The following CCDC88C variants were observed in gnomAD, a reference collection of about 807,000 sequenced individuals.
CCDC88C encodes the protein coiled-coil and HOOK domain protein 88C.
In CCDC88C, 131 loss-of-function variants were observed where a neutral mutation model predicts 198.8. The ratio of observed to expected loss-of-function variants is 0.66; its 90% CI spans 0.57 to 0.76. The LOEUF (loss-of-function observed/expected upper bound fraction) is 0.76. Ranked by LOEUF, CCDC88C falls within the 30% of genes least tolerant of loss-of-function variation. The pLI is 0.00. For synonymous variants in CCDC88C, 1,166 were observed against 1,114.7 expected (o/e 1.05, Z -0.92); for missense variants, 2,553 against 2,631.6 (o/e 0.97, Z 0.65).
intron 3 of CCDC88C, among the ~76,000 whole-genome samples, chr14:91,391,279 G>C (rs1483330719): frequency 6.6e-6 from 1 of 151,822 alleles, no homozygotes; most frequent in Admixed American, 6.6e-5. Context: ...CCCACTGGGT[G>C]CCCGTTTTTA....
intron 3 of CCDC88C, among the ~76,000 whole-genome samples, chr14:91,373,806 G>T (rs957512757): frequency 6.6e-6 from 1 of 152,172 alleles, no homozygotes; most frequent in Non-Finnish European, 1.5e-5. Flanking sequence ...AAGTTGGGGG[G>T]TGGGCAGGGG....
chr14:91,293,596 T>TCACCTTCCTGCCCCCTCGCCTGCCAC (rs1567056076), intron 23 of CCDC88C, among the ~76,000 whole-genome samples: 3 of 19,854 alleles, frequency 1.5e-4, no homozygotes, highest in African/African-American at 5.8e-4. Context: ...TCGCCTGCCA[T>TCACCTTCCTGCCCCCTCGCCTGCCAC]GGCCCACCTC....
chr14:91,342,812 TG>T (rs1186356696), intron 5 of CCDC88C, among the ~76,000 whole-genome samples: 4 of 152,214 alleles, frequency 2.6e-5, no homozygotes, highest in African/African-American at 9.6e-5. Flanking sequence ...TAGGCCAGGG[TG>T]GGGCAAACTT....
At chr14:91,307,595 T>C (rs1446292655) in intron 17 of CCDC88C, among the ~76,000 whole-genome samples, 2 of 152,348 alleles carry the variant, frequency 1.3e-5, no homozygotes, top group East Asian at 1.9e-4. Context: ...CTGCTGGCAC[T>C]GGAGCAGCTT....
chr14:91,367,602 G>A (rs1894601270), intron 3 of CCDC88C, among the ~76,000 whole-genome samples: 1 of 152,134 alleles, frequency 6.6e-6, no homozygotes, highest in Non-Finnish European at 1.5e-5. Context: ...CTGGGAGGGA[G>A]GTAGACAGTG....
intron 3 of CCDC88C, among the ~76,000 whole-genome samples, chr14:91,390,015 T>C (rs1190330092): frequency 1.3e-5 from 2 of 150,250 alleles, no homozygotes; most frequent in East Asian, 1.9e-4. Flanking sequence ...GAGCTTGCAG[T>C]GAGCCGAGAT....
chr14:91,362,284 CA>C (rs980779547), intron 3 of CCDC88C, among the ~76,000 whole-genome samples: 3 of 151,816 alleles, frequency 2.0e-5, no homozygotes, highest in African/African-American at 7.3e-5. Context: ...CCAGTCAACC[CA>C]AAAAACAAAG....
At chr14:91,412,404 A>AT in intron 2 of CCDC88C, among the ~76,000 whole-genome samples, 1 of 151,498 alleles carries the variant, frequency 6.6e-6, no homozygotes, top group East Asian at 1.9e-4. Context: ...ATATATTCCT[A>AT]TTCTCCTAAG....
chr14:91,401,150 G>A (rs1411157840), intron 3 of CCDC88C, among the ~76,000 whole-genome samples: 2 of 146,874 alleles, frequency 1.4e-5, no homozygotes, highest in African/African-American at 4.9e-5. Flanking sequence ...GTACCAAAAT[G>A]CTGGCAGTGG....
chr14:91,413,856 C>T (rs953313971), intron 2 of CCDC88C, among the ~76,000 whole-genome samples: 1 of 152,230 alleles, frequency 6.6e-6, no homozygotes, highest in African/African-American at 2.4e-5. Context: ...TACTGCTCAA[C>T]GCGATTTCTT....
intron 4 of CCDC88C, among the ~76,000 whole-genome samples, chr14:91,358,376 G>C (rs1279702756): frequency 6.6e-6 from 1 of 152,210 alleles, no homozygotes; most frequent in African/African-American, 2.4e-5. Flanking sequence ...TCCTACAGGT[G>C]TGGCTTTTCC....
At chr14:91,400,641 C>T (rs1210791086) in intron 3 of CCDC88C, among the ~76,000 whole-genome samples, 1 of 152,224 alleles carries the variant, frequency 6.6e-6, no homozygotes, top group Non-Finnish European at 1.5e-5. Flanking sequence ...ACGAAGTCCA[C>T]CCAGACATTG....
intron 10 of CCDC88C, among the ~76,000 whole-genome samples, chr14:91,335,356 C>A (rs1188847833): frequency 6.6e-6 from 1 of 152,148 alleles, no homozygotes; most frequent in African/African-American, 2.4e-5. Flanking sequence ...GCCCCTCCAG[C>A]CTCACCTCTC....
At chr14:91,321,357 T>C in intron 12 of CCDC88C, 53 bp from the exon 13 acceptor site, 1 of 1,525,648 alleles carries the variant, frequency 6.6e-7, no homozygotes, top group Non-Finnish European at 8.9e-7. Flanking sequence ...CCACTTCCAC[T>C]CTCTGCCCCA....
At chr14:91,324,562 T>C (rs1199951054) in intron 12 of CCDC88C, among the ~76,000 whole-genome samples, 1 of 152,202 alleles carries the variant, frequency 6.6e-6, no homozygotes, top group African/African-American at 2.4e-5. Flanking sequence ...CAACACTTAA[T>C]TTGTGTTTTG....
chr14:91,364,742 T>C lies in CCDC88C; in HGVS notation c.271-5031A>G, dbSNP rs1894453717. Among the ~76,000 whole-genome samples, 6 of 152,114 alleles carry C rather than the reference T, an allele frequency of 3.9e-5. No individual in the cohort carries two copies. In the South Asian group the frequency reaches 1.2e-3, roughly 32 times the overall value. ...CTCCATTCCCAGCTCCCAACCCAGA[T>C]CACAGGAAGCAAACTGAAGGTGGCC... On this transcript the variant is annotated intron_variant, in intron 3 of 29. Coordinates refer to ENST00000389857, the MANE Select transcript of CCDC88C (RefSeq NM_001080414.4).
At chr14:91,378,109 C>T (rs973009543) in intron 3 of CCDC88C, among the ~76,000 whole-genome samples, 1 of 152,204 alleles carries the variant, frequency 6.6e-6, no homozygotes, top group African/African-American at 2.4e-5. Flanking sequence ...GACACACGCA[C>T]ATGTGGAAAT....
intron 27 of CCDC88C, chr14:91,279,827 CA>C (rs1890126047): frequency 6.6e-6 from 1 of 152,388 alleles, no homozygotes; most frequent in Admixed American, 6.5e-5. Context: ...GAGCAGGTGC[CA>C]GGGGCCTGGG....
chr14:91,417,613 G>C lies in CCDC88C; in HGVS notation c.60+18C>G. ...AGCCGGTGCACCAACAAAGGGGCGG[G>C]GAGCCAGGCGCACTCACCCAGGTCA... On this transcript the variant is annotated intron_variant, in intron 1 of 29. Coordinates refer to ENST00000389857, the MANE Select transcript of CCDC88C (RefSeq NM_001080414.4). 2 of 1,581,428 alleles carry C rather than the reference G, an allele frequency of 1.3e-6. No individual in the cohort carries two copies. The highest frequency in any genetic ancestry group is 1.1e-5 in the South Asian group (1 of 87,064).
Sources: allele counts gnomAD v4.1 joint callset (sites outside exome capture counted in the v4.1 genomes callset), GRCh38; gene constraint gnomAD v4.1.1; transcripts MANE v1.5; gene names NCBI Gene and HGNC (gene_info 2026-07-23, HGNC 2026-07-21).